Variants in NKIRAS1 observed in about 807,000 individuals in gnomAD.
NKIRAS1 encodes the protein NF-kappa-B inhibitor-interacting Ras-like protein 1.
A neutral mutation model predicts 19.8 loss-of-function variants in NKIRAS1; 16 were observed. The ratio of observed to expected loss-of-function variants is 0.81; its 90% CI spans 0.55 to 1.23. The LOEUF (loss-of-function observed/expected upper bound fraction) is 1.23, where lower values mean the gene tolerates loss of function less well. NKIRAS1 is among the 50% of genes most tolerant of loss of function. NKIRAS1 has a pLI of 0.00. For missense variants in NKIRAS1, 184 were observed against 220.0 expected, an observed-to-expected ratio of 0.84 and a Z score of 1.04; for synonymous variants, 88 against 79.0, an observed-to-expected ratio of 1.11 and a Z score of -0.61.
chr3:23,899,144 A>C (rs749305296), intron 4 of NKIRAS1, among the ~76,000 whole-genome samples: 4 of 152,180 alleles, frequency 2.6e-5, no homozygotes, highest in Admixed American at 6.5e-5. Flanking sequence ...TGGAGATCAG[A>C]TGAGTGGTTA....
chr3:23,890,449 C>T lies in NKIRAS1; in HGVS notation c.*2646G>A, dbSNP rs1361043195. On this transcript the variant is annotated 3_prime_UTR_variant, in exon 5 of 5. Coordinates refer to ENST00000425478, the MANE Select transcript of NKIRAS1 (RefSeq NM_020345.4). ...CGTATCTACCCAAGCTGTCACTATT[C>T]GCTAAAGTTTAAAATGTTCTTTTCC... 3.2e-5 allele frequency: 50 copies of T among 1,541,318 alleles called. No homozygotes were observed. Among genetic ancestry groups the T allele is most frequent in the East Asian group, 4.6e-5 (2 of 43,338 alleles).
Position 23,922,767 on chromosome 3 carries a change from C to T in NKIRAS1, c.-139-11317G>A, listed in dbSNP as rs1200875371. 1 of 152,148 alleles carries T rather than the reference C, an allele frequency of 6.6e-6. No individual in the cohort carries two copies. The highest frequency in any genetic ancestry group is 6.5e-5 in the Admixed American group (1 of 15,274). 9.4% of individuals were successfully genotyped at this position (152,148 alleles called of 1,614,324 possible). A position where few individuals can be genotyped will look rare whatever the true frequency, so the allele number is the denominator to read the frequency against. On this transcript the variant is annotated intron_variant, in intron 1 of 4. Coordinates refer to the NKIRAS1 transcript ENST00000421515. This position sits in a 1 kb window ranked among gnomAD's most constrained non-coding sequence, Gnocchi z 4.2. ...AGGCTCTACAGTACAAACCCTTCTGCCTCCTAGTTCCTCTCCCTGGAGGCA... is the reference window on the plus strand; with the variant it reads ...AGGCTCTACAGTACAAACCCTTCTGTCTCCTAGTTCCTCTCCCTGGAGGCA...
intron 1 of NKIRAS1, among the ~76,000 whole-genome samples, chr3:23,931,729 AG>A (rs1575131273): frequency 7.2e-4 from 110 of 151,986 alleles, no homozygotes; most frequent in East Asian, 2.5e-3. Context: ...AGAGAGAGAG[AG>A]AGAGAGAAAG....
At chr3:23,893,975 C>T (rs1365308656) in intron 4 of NKIRAS1, among the ~76,000 whole-genome samples, 1 of 151,752 alleles carries the variant, frequency 6.6e-6, no homozygotes, top group African/African-American at 2.4e-5. Flanking sequence ...GAGAGATTTG[C>T]AACATAGTAC....
chr3:23,910,665 C>A, intron 3 of NKIRAS1, 146 bp downstream of exon 3: 1 of 628,884 alleles, frequency 1.6e-6, no homozygotes, highest in Non-Finnish European at 2.8e-6. Context: ...TTTCCCTCCT[C>A]TTTTCTTACC....
At position 23,890,505 on chromosome 3, in the gene NKIRAS1, C is replaced by G; in HGVS notation, c.*2590G>C. ...CCAAAGTAATCTACATTCTTTTCTT[C>G]CAGCCGACCCCTTGGTGGGAAGTAT... On this transcript the variant is annotated 3_prime_UTR_variant, in exon 5 of 5. Coordinates refer to ENST00000425478, the MANE Select transcript of NKIRAS1 (RefSeq NM_020345.4). The G allele has an allele frequency of 6.2e-7, 1 of 1,609,324 alleles. No homozygotes were observed. The highest frequency in any genetic ancestry group is 8.5e-7 in the Non-Finnish European group (1 of 1,178,334).
intron 1 of NKIRAS1, chr3:23,915,979 A>T (rs529108269): frequency 1.3e-5 from 2 of 152,370 alleles, no homozygotes; most frequent in South Asian, 4.1e-4. Context: ...CATTTCCAAG[A>T]AGGCCAAAAA....
rs61751591 is a variant in NKIRAS1, at chr3:23,893,314, G to A, written c.360C>T (p.Asn120=). 2.9e-4 allele frequency: 475 copies of A among 1,613,486 alleles called. No individual in the cohort carries two copies. The highest frequency in any genetic ancestry group is 3.7e-4 in the Non-Finnish European group (442 of 1,179,798). Residue 120 remains asparagine, a synonymous_variant, in exon 5 of 5, where the codon AAC becomes AAT. Transcript: ENST00000425478. ...KKEVAIVVLG[N]KIDLSEQRQV... The stretch of plus-strand genomic sequence containing the variant: ...GTCTCTGCTCAGAAAGGTCGATTTT[G>A]TTTCCTAATACCACAATTGCTACCT...
upstream of NKIRAS1, chr3:23,919,977 C>T: frequency 1.0e-6 from 1 of 987,900 alleles, no homozygotes; most frequent in Non-Finnish European, 1.2e-6. Flanking sequence ...TCAGCCTCCA[C>T]AGTACCATTT....
exon 1 of NKIRAS1, chr3:23,946,514 G>A: frequency 6.4e-6 from 1 of 156,482 alleles, no homozygotes; most frequent in Non-Finnish European, 1.4e-5. Context: ...AAAAAAAACC[G>A]TTTGCTCTAG....
chr3:23,896,588 G>T (rs547659485), intron 4 of NKIRAS1, among the ~76,000 whole-genome samples: 1 of 152,044 alleles, frequency 6.6e-6, no homozygotes, highest in East Asian at 1.9e-4. Context: ...ACTCTAGCGT[G>T]GGCAATAGCA....
intron 4 of NKIRAS1, among the ~76,000 whole-genome samples, chr3:23,900,339 A>G (rs1702389436): frequency 6.6e-6 from 1 of 152,202 alleles, no homozygotes; most frequent in South Asian, 2.1e-4. Flanking sequence ...TCTTGGGTTA[A>G]GAAAAAAATT....
intron 1 of NKIRAS1, among the ~76,000 whole-genome samples, chr3:23,935,179 A>G (rs1386170521): frequency 6.6e-6 from 1 of 150,660 alleles, no homozygotes; most frequent in Admixed American, 6.7e-5. Flanking sequence ...CAGGCTTTAA[A>G]AGAATATCAA....
At chr3:23,936,649 C>A (rs6550812) in intron 1 of NKIRAS1, among the ~76,000 whole-genome samples, 96,774 of 151,186 alleles carry the variant, frequency 0.64, 31,127 homozygotes, top group Middle Eastern at 0.73. Context: ...TGGGTTCAAG[C>A]GATTCTCCTG....
At chr3:23,937,601 T>G (rs1705418606) in intron 1 of NKIRAS1, among the ~76,000 whole-genome samples, 1 of 152,088 alleles carries the variant, frequency 6.6e-6, no homozygotes, top group African/African-American at 2.4e-5. Context: ...GATCTCTTTT[T>G]TTAACTGTGA....
At chr3:23,941,959 C>CTTTA (rs1022866396) in intron 1 of NKIRAS1, among the ~76,000 whole-genome samples, 2 of 144,700 alleles carry the variant, frequency 1.4e-5, no homozygotes, top group South Asian at 4.5e-4. Flanking sequence ...TTTAAATAGT[C>CTTTA]TTTATTTATT....
At chr3:23,921,474 TTTATTAG>T (rs1705076621), upstream of NKIRAS1, 1 of 635,602 alleles carries the variant, frequency 1.6e-6, no homozygotes, top group Non-Finnish European at 2.8e-6. Context: ...TAAGGGTCAC[TTTATTAG>T]CTATACCCTG....
intron 1 of NKIRAS1, among the ~76,000 whole-genome samples, chr3:23,935,146 G>A (rs138692385): frequency 2.4e-3 from 358 of 151,500 alleles, no homozygotes; most frequent in African/African-American, 8.3e-3. Flanking sequence ...TCGTGAGTTA[G>A]GTAAAAAAGA....
intron 3 of NKIRAS1, 109 bp downstream of exon 3, chr3:23,910,702 T>G (rs891829525): frequency 4.0e-6 from 3 of 753,120 alleles, no homozygotes; most frequent in Middle Eastern, 2.3e-4. Flanking sequence ...TCCCTCTGGA[T>G]TATACCTCCC....
Sources: gnomAD v4.1 joint callset for allele counts (sites outside exome capture counted in the v4.1 genomes callset) on GRCh38, gnomAD v4.1.1 for gene constraint, Gnocchi (gnomAD v3.1) non-coding constraint, MANE v1.5 for transcripts, NCBI Gene and HGNC (gene_info 2026-07-23, HGNC 2026-07-21) for gene names.